The following CRPPA variants were observed in gnomAD, a reference collection of about 807,000 sequenced individuals.
CRPPA encodes D-ribitol-5-phosphate cytidylyltransferase.
A neutral mutation model predicts 52.0 loss-of-function variants in CRPPA; 43 were observed. That is an observed-to-expected ratio of 0.83 (90% confidence interval 0.65 to 1.07). The LOEUF is 1.07. CRPPA is among the 50% of genes least tolerant of loss of function. The pLI, the probability that CRPPA is intolerant of heterozygous loss-of-function variation, is 0.00. For missense variants in CRPPA, 629 were observed against 551.7 expected (o/e 1.14, Z -1.40); for synonymous variants, 250 against 203.5 (o/e 1.23, Z -1.94).
chr7:16,342,751 A>G (rs376355967), intron 3 of CRPPA, among the ~76,000 whole-genome samples: 1 of 40,764 alleles, frequency 2.5e-5, no homozygotes, highest in South Asian at 1.5e-3. Context: ...AACAGGATGA[A>G]CCCTGTCTCC....
At chr7:16,096,541 C>T (rs1304892197) in intron 9 of CRPPA, among the ~76,000 whole-genome samples, 2 of 152,056 alleles carry the variant, frequency 1.3e-5, no homozygotes, top group Admixed American at 6.6e-5. Flanking sequence ...GAACACAGTA[C>T]AAGCAATCTT....
chr7:16,322,305 C>T (rs1353470698), intron 3 of CRPPA, among the ~76,000 whole-genome samples: 1 of 152,078 alleles, frequency 6.6e-6, no homozygotes, highest in East Asian at 1.9e-4. Context: ...ATAATTTAAT[C>T]AATTTACTAA....
chr7:16,172,115 C>T (rs1361642668), intron 9 of CRPPA, among the ~76,000 whole-genome samples: 1 of 152,212 alleles, frequency 6.6e-6, no homozygotes, highest in African/African-American at 2.4e-5. Flanking sequence ...ACCTCCTACA[C>T]ATTCTTTACT....
At position 16,318,255 on chromosome 7, in the gene CRPPA, A is replaced by G. The variant is rs1007807444; in HGVS notation, c.685-9628T>C. ...TAGTAGCACCCCAACTCTCTTGTCC[A>G]TCCATTAGATCTTCTTTACAAACCC... On this transcript the variant is annotated intron_variant, in intron 3 of 9. Coordinates refer to ENST00000407010, the MANE Select transcript of CRPPA (RefSeq NM_001101426.4). 3.6e-4 allele frequency among the ~76,000 whole-genome samples: 55 copies of G among 152,132 alleles called. 2 individuals are homozygous for G. The highest frequency in any genetic ancestry group is 5.9e-5 in the Non-Finnish European group (4 of 68,008).
In CRPPA at chr7:16,196,374, C is replaced by CA. The variant is rs747034491; in HGVS notation, c.1251+19691dup. ...AAAAGTGCCTGGTGCACACCGTGCT[C>CA]AAAAAAATATATGTCTTCTTTCCAT... On this transcript the variant is annotated intron_variant, in intron 9 of 9. Transcript: ENST00000407010. Among the ~76,000 whole-genome samples the CA allele has an allele frequency of 5.6e-3, 852 of 152,020 alleles. 9 individuals carry two copies. The highest frequency in any genetic ancestry group is 0.019 in the African/African-American group (780 of 41,486).
intron 6 of CRPPA, among the ~76,000 whole-genome samples, chr7:16,264,375 G>A (rs73294843): frequency 0.012 from 1,849 of 152,128 alleles, 49 homozygotes; most frequent in African/African-American, 0.041. Context: ...ATTAAAGTAC[G>A]ACAACAAAAA....
intron 8 of CRPPA, among the ~76,000 whole-genome samples, chr7:16,236,797 A>T (rs779104637): frequency 2.0e-5 from 3 of 152,140 alleles, no homozygotes; most frequent in Non-Finnish European, 4.4e-5. Flanking sequence ...TACCATACAG[A>T]CACTATAGAA....
At chr7:16,242,892 A>G (rs1783162479) in intron 8 of CRPPA, among the ~76,000 whole-genome samples, 1 of 152,216 alleles carries the variant, frequency 6.6e-6, no homozygotes, top group African/African-American at 2.4e-5. Flanking sequence ...TCATACTAAC[A>G]TACAGATTCA....
At chr7:16,201,957 T>C (rs1781870697) in intron 9 of CRPPA, among the ~76,000 whole-genome samples, 1 of 152,172 alleles carries the variant, frequency 6.6e-6, no homozygotes, top group Non-Finnish European at 1.5e-5. Context: ...TGCTCTTCAA[T>C]TTAAAGGTAA....
At chr7:16,281,522 T>C (rs1465651980) in intron 5 of CRPPA, among the ~76,000 whole-genome samples, 2 of 152,202 alleles carry the variant, frequency 1.3e-5, no homozygotes, top group African/African-American at 4.8e-5. Context: ...ATTTTAAATA[T>C]TGGCTCTATG....
At chr7:16,213,704 G>C (rs1782217996) in intron 9 of CRPPA, among the ~76,000 whole-genome samples, 1 of 151,032 alleles carries the variant, frequency 6.6e-6, no homozygotes, top group African/African-American at 2.4e-5. Context: ...AGCCGAGATT[G>C]TGCCATTGCG....
chr7:16,407,760 T>A (rs1787988989), intron 1 of CRPPA, among the ~76,000 whole-genome samples: 1 of 152,196 alleles, frequency 6.6e-6, no homozygotes, highest in South Asian at 2.1e-4. Context: ...TTATAGGTGA[T>A]ACTGCCTTTT....
chr7:16,295,933 T>C (rs1784664804), intron 5 of CRPPA, among the ~76,000 whole-genome samples: 1 of 152,112 alleles, frequency 6.6e-6, no homozygotes, highest in African/African-American at 2.4e-5. Flanking sequence ...AGAAAATTGT[T>C]TTAAATTTCA....
chr7:16,352,277 C>A (rs1786176001), intron 3 of CRPPA, among the ~76,000 whole-genome samples: 1 of 151,420 alleles, frequency 6.6e-6, no homozygotes, highest in African/African-American at 2.4e-5. Context: ...GGGTGGGGAG[C>A]AAGGGGAGGG....
chr7:16,096,868 T>C (rs1313805438), intron 9 of CRPPA, among the ~76,000 whole-genome samples: 1 of 152,220 alleles, frequency 6.6e-6, no homozygotes, highest in Admixed American at 6.5e-5. Context: ...AATATAAACA[T>C]GTTGACAGAA....
intron 3 of CRPPA, among the ~76,000 whole-genome samples, chr7:16,373,352 C>T (rs1422322453): frequency 3.3e-5 from 5 of 151,940 alleles, no homozygotes; most frequent in Admixed American, 2.6e-4. Flanking sequence ...GTGACCTAGG[C>T]AGAGGAAGAG....
chr7:16,230,293 T>C (rs1417437306), intron 8 of CRPPA, among the ~76,000 whole-genome samples: 1 of 152,198 alleles, frequency 6.6e-6, no homozygotes, highest in Admixed American at 6.5e-5. Context: ...CCATAAACCC[T>C]ATAACCTTTC....
intron 3 of CRPPA, among the ~76,000 whole-genome samples, chr7:16,331,212 G>A (rs916644201): frequency 2.0e-5 from 3 of 152,034 alleles, no homozygotes; most frequent in Admixed American, 6.6e-5. Flanking sequence ...TGTTAGCCAG[G>A]ATGGTCTCGA....
chr7:16,274,721 A>G (rs1483488734), intron 6 of CRPPA, among the ~76,000 whole-genome samples: 2 of 152,162 alleles, frequency 1.3e-5, no homozygotes, highest in Non-Finnish European at 2.9e-5. Flanking sequence ...AAAATTCCAA[A>G]TTTGCTATGT....
Sources: gnomAD v4.1 joint callset for allele counts (sites outside exome capture counted in the v4.1 genomes callset) on GRCh38, gnomAD v4.1.1 for gene constraint, MANE v1.5 for transcripts, NCBI Gene and HGNC (gene_info 2026-07-23, HGNC 2026-07-21) for gene names.